Variants in TMPRSS11F observed in about 807,000 individuals in gnomAD.
TMPRSS11F encodes transmembrane serine protease 11F.
Under a neutral mutation model 60.2 loss-of-function variants are expected in TMPRSS11F, and 47 were observed. That is an observed-to-expected ratio of 0.78 (90% CI 0.62 to 1.00). The LOEUF is 1.00. Ranked by LOEUF, TMPRSS11F falls within the 50% of genes least tolerant of loss-of-function variation. The pLI is 0.00. For synonymous variants in TMPRSS11F, 166 were observed against 167.3 expected (o/e 0.99, Z 0.06); for missense variants, 519 against 522.9 (o/e 0.99, Z 0.07).
intron 5 of TMPRSS11F, among the ~76,000 whole-genome samples, chr4:68,071,208 T>C (rs369466085): frequency 2.6e-5 from 4 of 152,276 alleles, no homozygotes; most frequent in South Asian, 2.1e-4. Flanking sequence ...TGGAATATAA[T>C]TGATTAACAA....
chr4:68,123,333 T>G (rs1308647655), intron 1 of TMPRSS11F, among the ~76,000 whole-genome samples: 1 of 152,182 alleles, frequency 6.6e-6, no homozygotes, highest in South Asian at 2.1e-4. Flanking sequence ...GAATAAATCA[T>G]GAACGTCAAG....
intron 5 of TMPRSS11F, among the ~76,000 whole-genome samples, chr4:68,071,860 C>A (rs1487304078): frequency 6.6e-6 from 1 of 152,022 alleles, no homozygotes; most frequent in Non-Finnish European, 1.5e-5. Flanking sequence ...CAGGGGTAAA[C>A]CTTCATGAAG....
At position 68,056,256 on chromosome 4, in the gene TMPRSS11F, A is replaced by T. The variant is rs1723043123; in HGVS notation, c.1159-2189T>A. ...GAAATTGTCTTTGTGTGTTGACAAC[A>T]TGATCTTATAGATAGAAAACCCTAA... On this transcript the variant is annotated intron_variant, in intron 9 of 9. Coordinates refer to ENST00000356291, the MANE Select transcript of TMPRSS11F (RefSeq NM_207407.2). Among the ~76,000 whole-genome samples the T allele has an allele frequency of 2.0e-5, 3 of 152,172 alleles. No homozygotes were observed. The South Asian group carries it at 6.2e-4, about 31-fold the overall frequency.
chr4:68,084,731 T>TA lies in TMPRSS11F; in HGVS notation c.282+5791dup, dbSNP rs530285751. 1.4e-3 allele frequency among the ~76,000 whole-genome samples: 208 copies of TA among 152,198 alleles called. 3 individuals carry two copies. The highest frequency in any genetic ancestry group is 4.9e-3 in the African/African-American group (204 of 41,516). ...ACATTTATTTATTTATTTATTTTTT[T>TA]ATGTTCTTTTTTTTTATTATACTTT... On this transcript the variant is annotated intron_variant, in intron 3 of 9. Coordinates refer to ENST00000356291, the MANE Select transcript of TMPRSS11F (RefSeq NM_207407.2).
chr4:68,124,099 T>C (rs917185474), intron 1 of TMPRSS11F, among the ~76,000 whole-genome samples: 2 of 151,646 alleles, frequency 1.3e-5, no homozygotes, highest in Non-Finnish European at 2.9e-5. Context: ...TGCACGCCTG[T>C]AATCCCAGCT....
At chr4:68,108,471 G>A (rs1240150862) in intron 1 of TMPRSS11F, among the ~76,000 whole-genome samples, 1 of 152,102 alleles carries the variant, frequency 6.6e-6, no homozygotes, top group African/African-American at 2.4e-5. Context: ...AGAATTAACT[G>A]CTGAATTTCA....
chr4:68,114,427 C>T (rs546373358), intron 1 of TMPRSS11F, among the ~76,000 whole-genome samples: 2 of 151,900 alleles, frequency 1.3e-5, no homozygotes, highest in African/African-American at 4.8e-5. Flanking sequence ...TAAATAAATG[C>T]TATGAATAAC....
chr4:68,100,062 G>A (rs13146856), intron 1 of TMPRSS11F, among the ~76,000 whole-genome samples: 1 of 150,334 alleles, frequency 6.7e-6, no homozygotes. Context: ...AAAAAGGACA[G>A]AGAAAATAGC....
Position 68,059,312 on chromosome 4 carries a change from G to T in TMPRSS11F, c.1158+14C>A. ...ACTTTCCTCATAAACTTTTGGCCTT[G>T]ACTTTAAACTTACCTTACATGCATC... On this transcript the variant is annotated intron_variant, in intron 9 of 9. Coordinates refer to ENST00000356291, the MANE Select transcript of TMPRSS11F (RefSeq NM_207407.2). The T allele has an allele frequency of 1.9e-6, 3 of 1,609,678 alleles. No homozygotes were observed. Among genetic ancestry groups the T allele is most frequent in the South Asian group, 1.1e-5 (1 of 90,392 alleles).
At position 68,090,617 on chromosome 4, in the gene TMPRSS11F, G is replaced by A. The variant is rs753773178; in HGVS notation, c.188C>T (p.Ala63Val). The A allele has an allele frequency of 6.3e-7, 1 of 1,599,370 alleles. No homozygotes were observed. Among genetic ancestry groups the A allele is most frequent in the South Asian group, 1.1e-5 (1 of 90,064 alleles). The part of the protein sequence containing the change: ...VEDDKSFYYL[A>V]SFKVTNIKYK... Reference sequence around the variant, plus strand: ...TTTGATATTTGTGACTTTAAAAGAGGCAAGGTAATAGAAAGACTTATCATC... The same window carrying A: ...TTTGATATTTGTGACTTTAAAAGAGACAAGGTAATAGAAAGACTTATCATC... Residue 63 changes from alanine to valine, a missense_variant, in exon 3 of 10, where the codon GCC becomes GTC. Transcript: ENST00000356291.
At position 68,068,710 on chromosome 4, in the gene TMPRSS11F, C is replaced by T. The variant is rs1222989626; in HGVS notation, c.663G>A (p.Gln221=). ...ETAMEGEWPW[Q]ASLQLIGSGH... ...CTGACCCTATGAGCTGGAGGCTGGC[C>T]TGCCATGGCCATTCCCCTTCCATAG... is the stretch of plus-strand genomic sequence containing the variant. The change falls in exon 7 of 10, where the codon CAG becomes CAA. Residue 221 remains glutamine (Q), a synonymous_variant. Coordinates refer to ENST00000356291, the MANE Select transcript of TMPRSS11F (RefSeq NM_207407.2). 1.2e-6 allele frequency: 2 copies of T among 1,614,200 alleles called. No homozygotes were observed. The highest frequency in any genetic ancestry group is 1.7e-6 in the Non-Finnish European group (2 of 1,180,036).
At chr4:68,072,059 G>A (rs2109845029) in intron 5 of TMPRSS11F, among the ~76,000 whole-genome samples, 1 of 151,170 alleles carries the variant, frequency 6.6e-6, no homozygotes, top group South Asian at 2.1e-4. Context: ...ACTTTTGTAA[G>A]GACCCAATAA....
intron 5 of TMPRSS11F, among the ~76,000 whole-genome samples, chr4:68,070,585 C>T (rs770426675): frequency 1.3e-5 from 2 of 152,318 alleles, no homozygotes; most frequent in Non-Finnish European, 2.9e-5. Flanking sequence ...AGGCAGCAGG[C>T]ACTAGAGGCA....
At chr4:68,069,633 T>A (rs763341850) in intron 6 of TMPRSS11F, among the ~76,000 whole-genome samples, 29 of 151,874 alleles carry the variant, frequency 1.9e-4, no homozygotes, top group Non-Finnish European at 4.3e-4. Flanking sequence ...TAAAAAAAAA[T>A]TAAAGCCTAA....
chr4:68,063,943 A>C (rs1022765225), intron 8 of TMPRSS11F, among the ~76,000 whole-genome samples: 7 of 152,224 alleles, frequency 4.6e-5, no homozygotes, highest in African/African-American at 1.7e-4. Flanking sequence ...TTTGCGATTT[A>C]AATTATATGC....
At chr4:68,084,697 C>G (rs901726600) in intron 3 of TMPRSS11F, among the ~76,000 whole-genome samples, 3 of 152,054 alleles carry the variant, frequency 2.0e-5, no homozygotes, top group Non-Finnish European at 2.9e-5. Context: ...TACCAGCTAC[C>G]ACAGAAACAC....
intron 9 of TMPRSS11F, among the ~76,000 whole-genome samples, chr4:68,057,604 A>G (rs563538924): frequency 4.6e-5 from 7 of 152,322 alleles, no homozygotes; most frequent in African/African-American, 1.7e-4. Context: ...TTTGCAAACC[A>G]TATATTTGAT....
chr4:68,082,668 C>T (rs1723723404), intron 3 of TMPRSS11F, among the ~76,000 whole-genome samples: 1 of 152,230 alleles, frequency 6.6e-6, no homozygotes, highest in African/African-American at 2.4e-5. Context: ...GAAGATAAAG[C>T]TGCAGGCTCA....
chr4:68,093,079 G>A (rs907836566), intron 2 of TMPRSS11F, among the ~76,000 whole-genome samples: 12 of 152,078 alleles, frequency 7.9e-5, no homozygotes, highest in Non-Finnish European at 1.6e-4. Context: ...TTTCACCAGT[G>A]AAGAAATTCA....
Sources: gnomAD v4.1 joint callset for allele counts (sites outside exome capture counted in the v4.1 genomes callset) on GRCh38, gnomAD v4.1.1 for gene constraint, MANE v1.5 for transcripts, NCBI Gene and HGNC (gene_info 2026-07-23, HGNC 2026-07-21) for gene names.